LRRC7: variants seen among roughly 807,000 people sequenced by gnomAD.
The protein encoded by LRRC7 is leucine-rich repeat-containing protein 7.
A neutral mutation model predicts 175.7 loss-of-function variants in LRRC7; 23 were observed. The observed-to-expected ratio is 0.13, with a 90% CI of 0.09 to 0.19. LRRC7 has a LOEUF of 0.19. Among genes scored for constraint, LRRC7 ranks in the 10% least tolerant of loss-of-function variants. The probability of loss-of-function intolerance (pLI) is 1.00; values close to 1 mark genes in which losing one functional copy is unlikely to be tolerated. For missense variants in LRRC7, 1,354 were observed against 1,904.7 expected (o/e 0.71, Z 5.38); for synonymous variants, 685 against 680.9 (o/e 1.01, Z -0.09).
At position 69,571,523 on chromosome 1, in the gene LRRC7, A is replaced by T. The variant is rs571006924; in HGVS notation, c.2+2882A>T. ...AGTAATAAACTATATTATCTATATG[A>T]TGTTCATTCCAGTGGTACTTGTAGA... is the stretch of plus-strand genomic sequence containing the variant. On this transcript the variant is annotated intron_variant, in intron 1 of 26. Coordinates refer to ENST00000651989, the MANE Select transcript of LRRC7 (RefSeq NM_001370785.2). 7.2e-5 allele frequency among the ~76,000 whole-genome samples: 11 copies of T among 152,298 alleles called. No homozygotes were observed. In the South Asian group the frequency reaches 2.3e-3, roughly 32 times the overall value.
At position 69,711,439 on chromosome 1, in the gene LRRC7, A is replaced by T. The variant is rs113413315; in HGVS notation, c.100+32961A>T. 7.1e-3 allele frequency among the ~76,000 whole-genome samples: 1,076 copies of T among 152,290 alleles called. 17 individuals carry two copies. The highest frequency in any genetic ancestry group is 0.024 in the African/African-American group (1,011 of 41,562). On this transcript the variant is annotated intron_variant, in intron 2 of 26. Coordinates refer to ENST00000651989, the MANE Select transcript of LRRC7 (RefSeq NM_001370785.2). Reference sequence around the variant, plus strand: ...CTGAGTTAAAGTTCTTAGCCAATTCAATATCTGTTTCAAAGCATCCTTGAC... The same window carrying T: ...CTGAGTTAAAGTTCTTAGCCAATTCTATATCTGTTTCAAAGCATCCTTGAC...
chr1:70,105,466 G>C (rs1302880151), intron 25 of LRRC7, among the ~76,000 whole-genome samples: 2 of 152,034 alleles, frequency 1.3e-5, no homozygotes, highest in African/African-American at 2.4e-5. Flanking sequence ...TTAATGTTTA[G>C]AAGATATCCT....
At chr1:69,676,795 C>A (rs1050383975) in intron 1 of LRRC7, among the ~76,000 whole-genome samples, 8 of 151,922 alleles carry the variant, frequency 5.3e-5, no homozygotes, top group Admixed American at 5.3e-4. Context: ...TTTCTTATTT[C>A]AATAGCTTTA....
intron 4 of LRRC7, among the ~76,000 whole-genome samples, chr1:69,807,147 G>C (rs1677214827): frequency 3.3e-5 from 5 of 152,024 alleles, no homozygotes. Flanking sequence ...CCATTTGCTT[G>C]TTAAATAGTC....
In LRRC7 at chr1:69,718,128, A is replaced by AGAAAAGAGAG. The variant is rs1553146102; in HGVS notation, c.100+39650_100+39651insGAAAAGAGAG. ...GAGAGAAAAAGAAAGAAAGAAAGAAAAGAAAGAAAGAGAGAGAAAGAAAGA... is the reference window on the plus strand; with the variant it reads ...GAGAGAAAAAGAAAGAAAGAAAGAAAGAAAAGAGAGAGAAAGAAAGAGAGAGAAAGAAAGA... On this transcript the variant is annotated intron_variant, in intron 2 of 26. Transcript: ENST00000651989. 2.1e-3 allele frequency among the ~76,000 whole-genome samples: 145 copies of AGAAAAGAGAG among 67,802 alleles called. 1 individual carries two copies. Among genetic ancestry groups the AGAAAAGAGAG allele is most frequent in the African/African-American group, 0.01 (104 of 10,220 alleles). The allele number at this position is 67,802 out of a possible 152,430, so 44.5% of individuals were successfully genotyped here.
intron 11 of LRRC7, among the ~76,000 whole-genome samples, chr1:69,998,970 G>T (rs150045623): frequency 1.3e-5 from 2 of 152,250 alleles, no homozygotes; most frequent in Non-Finnish European, 2.9e-5. Context: ...ACCTTCACCA[G>T]CAGTACCTGA....
At chr1:69,916,792 G>A (rs868699854) in intron 7 of LRRC7, among the ~76,000 whole-genome samples, 3 of 151,872 alleles carry the variant, frequency 2.0e-5, no homozygotes, top group Non-Finnish European at 4.4e-5. Context: ...TTGCGCTCAC[G>A]GACTTTAAAT....
chr1:69,585,935 CAT>C (rs1453092343), intron 1 of LRRC7, among the ~76,000 whole-genome samples: 4 of 152,062 alleles, frequency 2.6e-5, no homozygotes, highest in Non-Finnish European at 4.4e-5. Flanking sequence ...TCTTTTATGT[CAT>C]AGACGAAATC....
intron 3 of LRRC7, among the ~76,000 whole-genome samples, chr1:69,765,052 G>T (rs1404868461): frequency 6.6e-6 from 1 of 151,986 alleles, no homozygotes; most frequent in Non-Finnish European, 1.5e-5. Context: ...CATAAAATGT[G>T]ATAGGGTTCT....
rs1376093448 is a variant in LRRC7 at position 69,744,483 on chromosome 1, G to T, written c.101-15708G>T. Reference sequence around the variant, plus strand: ...TTTGTCTCCATCGATGTTCATTTCTGTAGCTTGTTTTGTTCTCCATATATC... The same window carrying T: ...TTTGTCTCCATCGATGTTCATTTCTTTAGCTTGTTTTGTTCTCCATATATC... On this transcript the variant is annotated intron_variant, in intron 2 of 26. Coordinates refer to ENST00000651989, the MANE Select transcript of LRRC7 (RefSeq NM_001370785.2). Among the ~76,000 whole-genome samples, 3 of 151,924 alleles carry T rather than the reference G, an allele frequency of 2.0e-5. No individual in the cohort carries two copies. In the East Asian group the frequency reaches 5.8e-4, roughly 29 times the overall value.
At chr1:69,781,256 G>A (rs1054073230) in intron 3 of LRRC7, among the ~76,000 whole-genome samples, 1 of 152,060 alleles carries the variant, frequency 6.6e-6, no homozygotes, top group African/African-American at 2.4e-5. Context: ...CGGCCTTTGT[G>A]AGGGCTCACT....
intron 22 of LRRC7, among the ~76,000 whole-genome samples, chr1:70,045,232 A>C (rs1021599400): frequency 6.6e-6 from 1 of 152,002 alleles, no homozygotes; most frequent in African/African-American, 2.4e-5. Context: ...TGCCCGGTCT[A>C]TACTGCAGGA....
At chr1:69,894,157 T>C (rs545299541) in intron 7 of LRRC7, among the ~76,000 whole-genome samples, 171 of 152,380 alleles carry the variant, frequency 1.1e-3, no homozygotes, top group African/African-American at 4.0e-3. Context: ...TAGTTGCTAA[T>C]ATTTATTGAG....
At chr1:69,775,644 G>T (rs1672730406) in intron 3 of LRRC7, among the ~76,000 whole-genome samples, 1 of 152,174 alleles carries the variant, frequency 6.6e-6, no homozygotes, top group Non-Finnish European at 1.5e-5. Flanking sequence ...AATTAGGAGA[G>T]CTATATAAGG....
At chr1:69,946,167 A>G (rs1649289538) in intron 8 of LRRC7, among the ~76,000 whole-genome samples, 1 of 152,146 alleles carries the variant, frequency 6.6e-6, no homozygotes, top group South Asian at 2.1e-4. Context: ...TAATTTGTTA[A>G]GAGTTTTTAT....
Position 70,039,296 on chromosome 1 carries a change from G to A in LRRC7, c.3472G>A (p.Val1158Met). Reference protein sequence around the residue: ...AGFLRRADSLVSATEMAMFRR... With the variant: ...AGFLRRADSLMSATEMAMFRR... ...CTTCCTGAGAAGGGCCGACTCCCTGGTGAGCGCCACAGAAATGGCCATGTT... is the reference window on the plus strand; with the variant it reads ...CTTCCTGAGAAGGGCCGACTCCCTGATGAGCGCCACAGAAATGGCCATGTT... Residue 1158 changes from valine to methionine, a missense_variant, in exon 21 of 27, where the codon GTG (valine) becomes ATG (methionine). Physicochemically the swap from Val to Met is conservative, Grantham distance 21. Transcript: ENST00000651989. The A allele has an allele frequency of 1.2e-6, 2 of 1,614,062 alleles. No homozygotes were observed. The highest frequency in any genetic ancestry group is 1.1e-5 in the South Asian group (1 of 91,088).
chr1:69,796,039 C>T (rs1008720730), intron 4 of LRRC7, among the ~76,000 whole-genome samples: 2 of 150,806 alleles, frequency 1.3e-5, no homozygotes, highest in East Asian at 2.0e-4. Flanking sequence ...TATGCATGTG[C>T]CATGTTGGTG....
At chr1:69,965,678 A>T (rs1316508243) in intron 8 of LRRC7, among the ~76,000 whole-genome samples, 1 of 152,098 alleles carries the variant, frequency 6.6e-6, no homozygotes, top group Non-Finnish European at 1.5e-5. Flanking sequence ...GAATTTGAAA[A>T]ACGTGAAATT....
At chr1:70,120,660 A>G (rs953849879) in intron 26 of LRRC7, among the ~76,000 whole-genome samples, 10 of 152,098 alleles carry the variant, frequency 6.6e-5, no homozygotes, top group Non-Finnish European at 1.5e-4. Flanking sequence ...TAAGTAAAAT[A>G]AAAAAGGCAA....
Sources: allele counts gnomAD v4.1 joint callset (sites outside exome capture counted in the v4.1 genomes callset), GRCh38; gene constraint gnomAD v4.1.1; transcripts MANE v1.5; gene names NCBI Gene and HGNC (gene_info 2026-07-23, HGNC 2026-07-21).